The following KIDINS220 variants were observed in gnomAD, a reference collection of about 807,000 sequenced individuals.
KIDINS220 encodes the protein kinase D-interacting substrate of 220 kDa.
A neutral mutation model predicts 157.6 loss-of-function variants in KIDINS220; 63 were observed. The ratio of observed to expected loss-of-function variants is 0.40; its 90% CI spans 0.33 to 0.49. KIDINS220 has a LOEUF of 0.49. KIDINS220 is among the 20% of genes least tolerant of loss of function. KIDINS220 has a pLI of 0.66. For missense variants in KIDINS220, 1,772 were observed against 2,171.2 expected, an observed-to-expected ratio of 0.82 and a Z score of 3.65; for synonymous variants, 732 against 783.6, an observed-to-expected ratio of 0.93 and a Z score of 1.10.
rs151077749 is a variant in KIDINS220, at chr2:8,745,194, G to A, written c.3585+1951C>T. On this transcript the variant is annotated intron_variant, in intron 26 of 29. Transcript: ENST00000256707. ...GGCCATTAACTTCTTCACAGTATCT[G>A]ATTTTCTTCAAAACTTTGCTCAGGA... 3.5e-3 allele frequency among the ~76,000 whole-genome samples: 535 copies of A among 152,304 alleles called. 5 individuals are homozygous for A. Among genetic ancestry groups the A allele is most frequent in the African/African-American group, 0.012 (490 of 41,564 alleles).
At chr2:8,811,577 C>A (rs1235037046) in intron 6 of KIDINS220, among the ~76,000 whole-genome samples, 4 of 152,134 alleles carry the variant, frequency 2.6e-5, no homozygotes, top group African/African-American at 9.7e-5. Flanking sequence ...GAACATTAGA[C>A]AATCGGTTGT....
chr2:8,734,878 CA>C (rs1054130292), intron 27 of KIDINS220, 125 bp from the exon 28 acceptor site: 78 of 590,856 alleles, frequency 1.3e-4, no homozygotes, highest in East Asian at 2.7e-4. Flanking sequence ...AAAGGCTGAC[CA>C]AAAAAAAGGT....
At chr2:8,756,148 T>C (rs922471769) in intron 22 of KIDINS220, among the ~76,000 whole-genome samples, 1 of 152,232 alleles carries the variant, frequency 6.6e-6, no homozygotes, top group African/African-American at 2.4e-5. Flanking sequence ...CTTTAAATTC[T>C]TTTAGCAATT....
downstream of KIDINS220, among the ~76,000 whole-genome samples, chr2:8,728,097 C>T (rs150662609): frequency 6.6e-6 from 1 of 152,268 alleles, no homozygotes; most frequent in South Asian, 2.1e-4. Flanking sequence ...AATCCCAGGC[C>T]TTTGGGAGGC....
chr2:8,776,968 A>T, intron 20 of KIDINS220, 76 bp from the exon 21 acceptor site: 1 of 1,470,276 alleles, frequency 6.8e-7, no homozygotes, highest in Non-Finnish European at 9.2e-7. Context: ...AGATGTTAAT[A>T]AATGTTTATA....
chr2:8,761,613 A>ATT (rs527827060), intron 22 of KIDINS220, among the ~76,000 whole-genome samples: 4 of 147,874 alleles, frequency 2.7e-5, no homozygotes, highest in Admixed American at 2.0e-4. Context: ...TCCTGAAGCC[A>ATT]TTTTTTTTTT....
intron 22 of KIDINS220, chr2:8,757,408 A>G (rs1668145384): frequency 1.7e-6 from 2 of 1,190,360 alleles, no homozygotes; most frequent in African/African-American, 1.6e-5. Flanking sequence ...GTAAATGCCA[A>G]CAGTCTTACA....
chr2:8,731,133 G>A lies in KIDINS220; in HGVS notation c.4903C>T (p.Leu1635=). ...KRGIPHSLSG[L]QDPIIARMSI... is the part of the protein sequence containing the mutation. ...ATCCGAGCTATAATTGGATCTTGCAGGCCACTCAGGCTATGTGGGATTCCC... is the reference window on the plus strand; with the variant it reads ...ATCCGAGCTATAATTGGATCTTGCAAGCCACTCAGGCTATGTGGGATTCCC... The change falls in exon 30 of 30, where the codon CTG becomes TTG. Residue 1635 remains leucine, a synonymous_variant. Transcript: ENST00000256707. The surrounding 1 kb of genome is among the most constrained non-coding windows in gnomAD (Gnocchi z 5.2). 2 of 1,614,152 alleles carry A rather than the reference G, an allele frequency of 1.2e-6. No individual in the cohort carries two copies. Among genetic ancestry groups the A allele is most frequent in the Non-Finnish European group, 1.7e-6 (2 of 1,180,024 alleles).
chr2:8,812,518 G>A, intron 5 of KIDINS220, 25 bp from the exon 6 acceptor site: 2 of 1,371,144 alleles, frequency 1.5e-6, no homozygotes, highest in Non-Finnish European at 9.9e-7. Flanking sequence ...TGGTTGGTAG[G>A]TAGGTAGATA....
intron 6 of KIDINS220, among the ~76,000 whole-genome samples, chr2:8,807,690 A>C (rs1195721162): frequency 6.6e-6 from 1 of 152,204 alleles, no homozygotes. Flanking sequence ...CAGATGGATG[A>C]AGACTCCATG....
chr2:8,818,388 A>G (rs773588666), intron 3 of KIDINS220, among the ~76,000 whole-genome samples: 17 of 152,190 alleles, frequency 1.1e-4, no homozygotes, highest in Admixed American at 2.6e-4. Context: ...ATAAGTTACC[A>G]TTATGGGGAG....
intron 4 of KIDINS220, among the ~76,000 whole-genome samples, chr2:8,814,593 A>T (rs757602359): frequency 6.6e-6 from 1 of 152,254 alleles, no homozygotes; most frequent in South Asian, 2.1e-4. Flanking sequence ...ACAGAAAATC[A>T]TCATTACACC....
chr2:8,828,498 T>C (rs752829742), intron 1 of KIDINS220, among the ~76,000 whole-genome samples: 1 of 152,240 alleles, frequency 6.6e-6, no homozygotes, highest in Non-Finnish European at 1.5e-5. Context: ...TTTATTATAT[T>C]CAACTGGACA....
intron 1 of KIDINS220, among the ~76,000 whole-genome samples, chr2:8,835,149 T>A (rs1433395814): frequency 4.6e-5 from 7 of 152,338 alleles, no homozygotes. Context: ...ATGCCCAGCC[T>A]TGAACTAATT....
At chr2:8,836,598 G>A (rs1334695051) in intron 1 of KIDINS220, among the ~76,000 whole-genome samples, 1 of 152,236 alleles carries the variant, frequency 6.6e-6, no homozygotes, top group Non-Finnish European at 1.5e-5. Context: ...TGCTAGTAAA[G>A]CTAGAAGAGA....
At chr2:8,770,474 T>G (rs1436328798) in intron 22 of KIDINS220, among the ~76,000 whole-genome samples, 196 bp downstream of exon 22, 3 of 152,006 alleles carry the variant, frequency 2.0e-5, no homozygotes, top group Non-Finnish European at 4.4e-5. Flanking sequence ...CCAAATAAAG[T>G]CATAGATTTT....
At position 8,729,122 on chromosome 2, in the gene KIDINS220, T is replaced by A. The variant is rs991816853; in HGVS notation, c.*1598A>T. The A allele has an allele frequency of 1.0e-6, 1 of 983,806 alleles. No homozygotes were observed. The highest frequency in any genetic ancestry group is 1.7e-5 in the African/African-American group (1 of 57,200). 60.9% of individuals were successfully genotyped at this position (983,806 alleles called of 1,614,324 possible). Reference sequence around the variant, plus strand: ...ATAAGCACTATAAATGTTAAAATGTTAAGACTTCAGTGTATAATGTCAATA... The same window carrying A: ...ATAAGCACTATAAATGTTAAAATGTAAAGACTTCAGTGTATAATGTCAATA... On this transcript the variant is annotated 3_prime_UTR_variant, in exon 30 of 30. Coordinates refer to ENST00000256707, the MANE Select transcript of KIDINS220 (RefSeq NM_020738.4).
chr2:8,782,031 T>C (rs1295432494), intron 17 of KIDINS220, among the ~76,000 whole-genome samples: 1 of 152,092 alleles, frequency 6.6e-6, no homozygotes, highest in African/African-American at 2.4e-5. Flanking sequence ...GGAGGATCCC[T>C]TGAGCCCAGG....
At chr2:8,759,673 T>C (rs1668496395) in intron 22 of KIDINS220, among the ~76,000 whole-genome samples, 1 of 151,558 alleles carries the variant, frequency 6.6e-6, no homozygotes, top group Non-Finnish European at 1.5e-5. Context: ...GGTAAGGCAC[T>C]GTCTTCATTC....
Sources: allele counts gnomAD v4.1 joint callset (sites outside exome capture counted in the v4.1 genomes callset), GRCh38; gene constraint gnomAD v4.1.1; non-coding constraint Gnocchi (gnomAD v3.1); transcripts MANE v1.5; gene names NCBI Gene and HGNC (gene_info 2026-07-23, HGNC 2026-07-21).